The following TIRAP variants were observed in gnomAD, a reference collection of about 807,000 sequenced individuals.
The protein encoded by TIRAP is TIR domain containing adaptor protein.
TIRAP carries 20 observed loss-of-function variants against 19.8 expected under a neutral mutation model. The observed-to-expected ratio is 1.01, with a 90% CI of 0.71 to 1.47. TIRAP has a LOEUF of 1.47. Among genes scored for constraint, TIRAP ranks in the 40% most tolerant of loss-of-function variants. TIRAP has a pLI of 0.00. For missense variants in TIRAP, 276 were observed against 285.1 expected (o/e 0.97, Z 0.23); for synonymous variants, 125 against 121.7 (o/e 1.03, Z -0.18).
Position 126,293,901 on chromosome 11 carries a change from C to T in TIRAP, c.*214C>T, listed in dbSNP as rs190111292. On this transcript the variant is annotated 3_prime_UTR_variant, in exon 5 of 5. Transcript: ENST00000392679. ...AGCTTGGGGACTCCCCCAGGAAGGCCGTGAAGCTGGGGATTCCCCCTAGGA... is the reference window on the plus strand; with the variant it reads ...AGCTTGGGGACTCCCCCAGGAAGGCTGTGAAGCTGGGGATTCCCCCTAGGA... 5,268 of 598,448 alleles carry T rather than the reference C, an allele frequency of 8.8e-3. 53 individuals carry two copies. Among genetic ancestry groups the T allele is most frequent in the Middle Eastern group, 0.027 (62 of 2,282 alleles). The allele number at this position is 598,448 out of a possible 1,614,324, so 37.1% of individuals were successfully genotyped here.
At chr11:126,284,972 C>T (rs964542033) in intron 1 of TIRAP, among the ~76,000 whole-genome samples, 3 of 151,886 alleles carry the variant, frequency 2.0e-5, no homozygotes, top group Non-Finnish European at 4.4e-5. Context: ...CGGCAGTGTT[C>T]GAGTTCCCAT....
In TIRAP at chr11:126,285,243, G is replaced by GTGTATATATATATATA; in HGVS notation, c.-217+2091_-217+2092insGTATATATATATATAT. On this transcript the variant is annotated intron_variant, in intron 1 of 4. Coordinates refer to ENST00000392679, the MANE Select transcript of TIRAP (RefSeq NM_001318777.2). ...ATTTATTGGATATATGTGTGTGTGT[G>GTGTATATATATATATA]TATATATATATATATATAATATATA... Among the ~76,000 whole-genome samples, 42 of 106,966 alleles carry GTGTATATATATATATA rather than the reference G, an allele frequency of 3.9e-4. 1 individual carries two copies. The highest frequency in any genetic ancestry group is 9.6e-4 in the African/African-American group (27 of 28,192). 70.2% of individuals were successfully genotyped at this position (106,966 alleles called of 152,430 possible).
In TIRAP at chr11:126,293,838, G is replaced by A. The variant is rs1226489773; in HGVS notation, c.*151G>A. ...ACCCTGGGATCAGAGCACCCATCAG[G>A]CTTCCATTACTGTGGGCTCCCTAAG... On this transcript the variant is annotated 3_prime_UTR_variant, in exon 5 of 5. Coordinates refer to ENST00000392679, the MANE Select transcript of TIRAP (RefSeq NM_001318777.2). 5.9e-6 allele frequency: 5 copies of A among 849,878 alleles called. No individual in the cohort carries two copies. The highest frequency in any genetic ancestry group is 2.0e-5 in the Admixed American group (1 of 50,150). 52.6% of individuals were successfully genotyped at this position (849,878 alleles called of 1,614,324 possible). A position where few individuals can be genotyped will look rare whatever the true frequency, so the allele number is the denominator to read the frequency against.
chr11:126,285,492 C>T (rs1004401374), intron 1 of TIRAP, among the ~76,000 whole-genome samples: 1 of 151,296 alleles, frequency 6.6e-6, no homozygotes, highest in Non-Finnish European at 1.5e-5. Context: ...GAACTCCTGA[C>T]CTAGTTATCC....
Position 126,291,552 on chromosome 11 carries a change from T to C in TIRAP, c.67+591T>C. On this transcript the variant is annotated intron_variant, in intron 3 of 4. Coordinates refer to ENST00000392679, the MANE Select transcript of TIRAP (RefSeq NM_001318777.2). The surrounding 1 kb of genome is among the most constrained non-coding windows in gnomAD (Gnocchi z 5.6). ...GTCCACAAGTCCACAGTCAAAGCCG[T>C]GTCCCTGACTCCAGAGTGTGGGTTC... 1 of 571,294 alleles carries C rather than the reference T, an allele frequency of 1.8e-6. No individual in the cohort carries two copies. Among genetic ancestry groups the C allele is most frequent in the Non-Finnish European group, 3.0e-6 (1 of 331,934 alleles). The allele number at this position is 571,294 out of a possible 1,614,324, so 35.4% of individuals were successfully genotyped here.
chr11:126,293,623 G>A (rs753272873), intron 4 of TIRAP, 45 bp from the exon 5 acceptor site: 21 of 1,609,904 alleles, frequency 1.3e-5, no homozygotes, highest in Admixed American at 1.7e-5. Context: ...GAAAACAGAT[G>A]CTGGGTTTGG....
Position 126,286,402 on chromosome 11 carries a change from G to C in TIRAP, c.-217+3249G>C, listed in dbSNP as rs1951323345. Among the ~76,000 whole-genome samples the C allele has an allele frequency of 2.0e-5, 3 of 152,264 alleles. No individual in the cohort carries two copies. The South Asian group carries it at 6.2e-4, about 32-fold the overall frequency. ...TCATGGGTCCTTCTCACAGTCCCAG[G>C]TGTGAACACAGGGGGCCACCCTAGG... On this transcript the variant is annotated intron_variant, in intron 1 of 4. Coordinates refer to ENST00000392679, the MANE Select transcript of TIRAP (RefSeq NM_001318777.2).
In TIRAP at chr11:126,291,981, G is replaced by C. The variant is rs1055041072; in HGVS notation, c.68-496G>C. Among the ~76,000 whole-genome samples the C allele has an allele frequency of 6.6e-6, 1 of 151,940 alleles. No homozygotes were observed. Among genetic ancestry groups the C allele is most frequent in the Non-Finnish European group, 1.5e-5 (1 of 68,018 alleles). On this transcript the variant is annotated intron_variant, in intron 3 of 4. Coordinates refer to ENST00000392679, the MANE Select transcript of TIRAP (RefSeq NM_001318777.2). This position sits in a 1 kb window ranked among gnomAD's most constrained non-coding sequence, Gnocchi z 5.6. ...CGTCCAAAACCTTTACCTTTAGAGG[G>C]CACTTTTAGGCAAGTCCCAAAAGAT...
At position 126,292,695 on chromosome 11, in the gene TIRAP, G is replaced by A. The variant is rs8177400; in HGVS notation, c.286G>A (p.Asp96Asn). 3,642 of 1,613,862 alleles carry A rather than the reference G, an allele frequency of 2.3e-3. 16 individuals are homozygous for A. Among genetic ancestry groups the A allele is most frequent in the Middle Eastern group, 0.011 (69 of 6,062 alleles). Residue 96 changes from aspartate (D) to asparagine (N), a missense_variant, in exon 4 of 5, where the codon GAC (aspartate) becomes AAC (asparagine). Transcript: ENST00000392679. ...CGTCTGCGTGTGCCACAGTGAGGAA[G>A]ACCTGGTGGCCGCCCAGGACCTGGT... ...YDVCVCHSEE[D>N]LVAAQDLVSY...
At chr11:126,284,702 A>G (rs1951298037) in intron 1 of TIRAP, among the ~76,000 whole-genome samples, 1 of 151,948 alleles carries the variant, frequency 6.6e-6, no homozygotes, top group South Asian at 2.1e-4. Flanking sequence ...AAAAATACAA[A>G]AATCAGCCAG....
rs1951367456 is a variant in TIRAP, at chr11:126,290,515, A to G, written c.-163A>G. On this transcript the variant is annotated 5_prime_UTR_variant, in exon 2 of 5. Transcript: ENST00000392679. The surrounding 1 kb of genome is among the most constrained non-coding windows in gnomAD (Gnocchi z 4.9). ...CTGCCTGCCAGCTGCCCTTCCCCAG[A>G]TCCCGAATATCCTCCTGGCCAGGTG... 1 of 1,010,984 alleles carries G rather than the reference A, an allele frequency of 9.9e-7. No homozygotes were observed. The highest frequency in any genetic ancestry group is 1.7e-5 in the African/African-American group (1 of 58,246). 62.6% of individuals were successfully genotyped at this position (1,010,984 alleles called of 1,614,324 possible).
In TIRAP at chr11:126,294,514, T is replaced by A. The variant is rs1367110871; in HGVS notation, c.*827T>A. On this transcript the variant is annotated 3_prime_UTR_variant, in exon 5 of 5. Transcript: ENST00000392679. Reference sequence around the variant, plus strand: ...TGACATCTGGGAGCTTCATCAGTGGTCTGGCTAAAGCTGATACTTTCACAG... The same window carrying A: ...TGACATCTGGGAGCTTCATCAGTGGACTGGCTAAAGCTGATACTTTCACAG... 8.8e-6 allele frequency: 4 copies of A among 456,126 alleles called. No homozygotes were observed. The highest frequency in any genetic ancestry group is 6.0e-5 in the African/African-American group (3 of 50,068). The allele number at this position is 456,126 out of a possible 1,614,324, so 28.3% of individuals were successfully genotyped here. A position where few individuals can be genotyped will look rare whatever the true frequency, so the allele number is the denominator to read the frequency against.
chr11:126,292,954 T>C lies in TIRAP; in HGVS notation c.545T>C (p.Leu182Pro). 6.2e-7 allele frequency: 1 copy of C among 1,614,136 alleles called. No homozygotes were observed. Reference sequence around the variant, plus strand: ...TGCACCATCCCCCTGCTGTCGGGCCTCAGCAGAGCTGCCTACCCACCTGAG... The same window carrying C: ...TGCACCATCCCCCTGCTGTCGGGCCCCAGCAGAGCTGCCTACCCACCTGAG... ...EGCTIPLLSGLSRAAYPPELR... is the reference protein window; with the variant it reads ...EGCTIPLLSGPSRAAYPPELR... Residue 182 changes from leucine (L) to proline (P), a missense_variant, in exon 4 of 5, where the codon CTC becomes CCC. Leu to Pro is a moderately conservative substitution (Grantham distance 98, BLOSUM62 -3). Coordinates refer to ENST00000392679, the MANE Select transcript of TIRAP (RefSeq NM_001318777.2).
rs1057044004 is a variant in TIRAP, at chr11:126,294,931, A to G, written c.*1244A>G. On this transcript the variant is annotated 3_prime_UTR_variant, in exon 5 of 5. Coordinates refer to ENST00000392679, the MANE Select transcript of TIRAP (RefSeq NM_001318777.2). ...GCCAATATGGTGAAACCCTGTCTCT[A>G]CTAAAAAAACAAAAAAAATCAGCTG... The G allele has an allele frequency of 6.1e-6, 1 of 163,728 alleles. No individual in the cohort carries two copies. Among genetic ancestry groups the G allele is most frequent in the Admixed American group, 6.0e-5 (1 of 16,790 alleles). The allele number at this position is 163,728 out of a possible 1,614,324, so 10.1% of individuals were successfully genotyped here.
In TIRAP at chr11:126,291,253, C is replaced by T. The variant is rs920374976; in HGVS notation, c.67+292C>T. The T allele has an allele frequency of 2.7e-5, 15 of 560,820 alleles. No individual in the cohort carries two copies. The highest frequency in any genetic ancestry group is 9.4e-5 in the African/African-American group (5 of 52,970). The allele number at this position is 560,820 out of a possible 1,614,324, so 34.7% of individuals were successfully genotyped here. ...CTGAGTGCTTAACACTGTCTCTTGTCGTCCAAATCTTTGTTCCAGAACCAT... is the reference window on the plus strand; with the variant it reads ...CTGAGTGCTTAACACTGTCTCTTGTTGTCCAAATCTTTGTTCCAGAACCAT... On this transcript the variant is annotated intron_variant, in intron 3 of 4. Transcript: ENST00000392679. The surrounding 1 kb of genome is among the most constrained non-coding windows in gnomAD (Gnocchi z 5.6).
chr11:126,283,634 G>A (rs1051816201), intron 1 of TIRAP, among the ~76,000 whole-genome samples: 10 of 152,196 alleles, frequency 6.6e-5, no homozygotes, highest in Non-Finnish European at 1.3e-4. Flanking sequence ...ACACGGGCTG[G>A]GCAGCCACTG....
In TIRAP at chr11:126,287,528, C is replaced by T. The variant is rs1359575085; in HGVS notation, c.-216-2934C>T. On this transcript the variant is annotated intron_variant, in intron 1 of 4. Coordinates refer to ENST00000392679, the MANE Select transcript of TIRAP (RefSeq NM_001318777.2). The surrounding 1 kb of genome is among the most constrained non-coding windows in gnomAD (Gnocchi z 4.2). Reference sequence around the variant, plus strand: ...TAGAGACAGGGTTTCACCATGTTGGCCAGGCTGATCTCAAATTCCTGACCT... The same window carrying T: ...TAGAGACAGGGTTTCACCATGTTGGTCAGGCTGATCTCAAATTCCTGACCT... Among the ~76,000 whole-genome samples, 1 of 152,038 alleles carries T rather than the reference C, an allele frequency of 6.6e-6. No homozygotes were observed. Among genetic ancestry groups the T allele is most frequent in the Non-Finnish European group, 1.5e-5 (1 of 68,010 alleles).
intron 4 of TIRAP, chr11:126,293,427 G>C (rs1375017895): frequency 1.4e-6 from 1 of 709,750 alleles, no homozygotes; most frequent in African/African-American, 1.7e-5. Flanking sequence ...AGGTTTCTCT[G>C]AGATCAGGCT....
chr11:126,288,127 A>C lies in TIRAP; in HGVS notation c.-216-2335A>C, dbSNP rs895017904. Among the ~76,000 whole-genome samples, 10 of 152,072 alleles carry C rather than the reference A, an allele frequency of 6.6e-5. No homozygotes were observed. The highest frequency in any genetic ancestry group is 1.2e-4 in the Non-Finnish European group (8 of 68,018). On this transcript the variant is annotated intron_variant, in intron 1 of 4. Transcript: ENST00000392679. The surrounding 1 kb of genome is among the most constrained non-coding windows in gnomAD (Gnocchi z 5.0). The stretch of plus-strand genomic sequence containing the variant: ...ACTCCTGAGCTCACATGATCTGCCC[A>C]CCTCGGCCTCCCAAAGTGCTGGGAT...
Sources: allele counts gnomAD v4.1 joint callset (sites outside exome capture counted in the v4.1 genomes callset), GRCh38; gene constraint gnomAD v4.1.1; non-coding constraint Gnocchi (gnomAD v3.1); transcripts MANE v1.5; gene names NCBI Gene and HGNC (gene_info 2026-07-23, HGNC 2026-07-21).